Variants in PDE4A observed in about 807,000 individuals in gnomAD.
PDE4A encodes 3',5'-cyclic-AMP phosphodiesterase 4A.
Under a neutral mutation model 73.9 loss-of-function variants are expected in PDE4A, and 21 were observed. The ratio of observed to expected loss-of-function variants is 0.28; its 90% CI spans 0.20 to 0.41. The LOEUF is 0.41. PDE4A is among the 10% of genes least tolerant of loss of function. The pLI is 1.00. For synonymous variants in PDE4A, 463 were observed against 505.4 expected (o/e 0.92, Z 1.13); for missense variants, 958 against 1,211.4 (o/e 0.79, Z 3.10).
At chr19:10,417,464 G>A (rs142009586), upstream of PDE4A, 31 of 981,572 alleles carry the variant, frequency 3.2e-5, no homozygotes, top group African/African-American at 5.1e-4. Context: ...AATTATGGCT[G>A]AGAAGGGGCA....
rs550416406 is a variant in PDE4A at position 10,459,323 on chromosome 19, G to T, written c.1102-77G>T. On this transcript the variant is annotated intron_variant, in intron 8 of 14. Coordinates refer to ENST00000380702, the MANE Select transcript of PDE4A (RefSeq NM_001111307.2). The stretch of plus-strand genomic sequence containing the variant: ...ATAATGGTGCTTCCTTCAGACCAAG[G>T]CTTCAAACTCCTAGGAAATGTTCTC... 2.6e-5 allele frequency: 42 copies of T among 1,605,104 alleles called. No homozygotes were observed. The African/African-American group carries it at 4.3e-4, about 16-fold the overall frequency.
Position 10,461,703 on chromosome 19 carries a change from G to A in PDE4A, c.1620+23G>A, listed in dbSNP as rs367982318. 5.6e-6 allele frequency: 9 copies of A among 1,611,474 alleles called. No homozygotes were observed. The African/African-American group carries it at 1.2e-4, about 22-fold the overall frequency. The stretch of plus-strand genomic sequence containing the variant: ...ATGGTGGGCGGGGCTGGGGCGGGAC[G>A]GAGCGGGAAAGGAAGCCTAGGAGTC... On this transcript the variant is annotated intron_variant, in intron 12 of 14. Coordinates refer to ENST00000380702, the MANE Select transcript of PDE4A (RefSeq NM_001111307.2).
intron 13 of PDE4A, among the ~76,000 whole-genome samples, chr19:10,462,878 C>T (rs2043297311): frequency 6.6e-6 from 1 of 152,230 alleles, no homozygotes; most frequent in South Asian, 2.1e-4. Context: ...TCCCTACTCC[C>T]TCCCTCCCCA....
intron 1 of PDE4A, among the ~76,000 whole-genome samples, chr19:10,444,004 CAA>C (rs56177093): frequency 1.2e-4 from 14 of 113,718 alleles, no homozygotes; most frequent in Admixed American, 1.9e-4. Context: ...AAGACTGTCT[CAA>C]AAAAAAAAAA....
chr19:10,464,779 G>T (rs1050229672), intron 14 of PDE4A, among the ~76,000 whole-genome samples: 5 of 151,290 alleles, frequency 3.3e-5, no homozygotes, highest in African/African-American at 4.9e-5. Flanking sequence ...GTGCAGGGGC[G>T]TGATCTTGGC....
chr19:10,443,733 G>A lies in PDE4A; in HGVS notation c.321-2485G>A, dbSNP rs552404255. Among the ~76,000 whole-genome samples, 9 of 152,088 alleles carry A rather than the reference G, an allele frequency of 5.9e-5. 1 individual carries two copies. Among genetic ancestry groups the A allele is most frequent in the South Asian group, 2.1e-4 (1 of 4,820 alleles). On this transcript the variant is annotated intron_variant, in intron 1 of 14. Transcript: ENST00000380702. ...ATCTCAAAAAAACACCAGGCCAGGC[G>A]CAGTGGCTCATGCCTGTAATCCCAG...
chr19:10,457,122 C>T (rs1336352252), intron 7 of PDE4A, among the ~76,000 whole-genome samples: 1 of 152,088 alleles, frequency 6.6e-6, no homozygotes, highest in East Asian at 1.9e-4. Flanking sequence ...CGCTTGAACC[C>T]GGGAGGTGGA....
At position 10,446,336 on chromosome 19, in the gene PDE4A, C is replaced by T; in HGVS notation, c.439C>T (p.Leu147=). The part of the protein sequence containing the change: ...AATSQRRESF[L]YRSDSDYDMS... ...CACCAGCCAGCGCCGGGAGTCCTTC[C>T]TGTACCGCTCAGACAGCGACTATGA... The change falls in exon 2 of 15, where the codon CTG becomes TTG. Residue 147 remains leucine (L), a synonymous_variant. Transcript: ENST00000380702. 1 of 1,613,840 alleles carries T rather than the reference C, an allele frequency of 6.2e-7. No individual in the cohort carries two copies. Among genetic ancestry groups the T allele is most frequent in the East Asian group, 2.2e-5 (1 of 44,882 alleles).
chr19:10,419,056 C>CTTTT (rs977830124), upstream of PDE4A: 284 of 816,786 alleles, frequency 3.5e-4, no homozygotes, highest in East Asian at 8.3e-4. Context: ...GACCGGCAGT[C>CTTTT]TTTTTTTTTT....
intron 1 of PDE4A, chr19:10,427,869 C>T (rs1384852432): frequency 9.1e-6 from 9 of 984,822 alleles, no homozygotes; most frequent in Non-Finnish European, 1.1e-5. Context: ...TATAGTGGCT[C>T]ATGCCCAACA....
chr19:10,441,419 G>A (rs2042935963), intron 1 of PDE4A, among the ~76,000 whole-genome samples: 1 of 151,292 alleles, frequency 6.6e-6, no homozygotes, highest in South Asian at 2.1e-4. Context: ...GAGCCACCGT[G>A]CCCAGCCCTT....
upstream of PDE4A, chr19:10,417,944 T>G (rs1251658555): frequency 6.9e-7 from 1 of 1,442,212 alleles, no homozygotes; most frequent in Non-Finnish European, 9.3e-7. Flanking sequence ...CCACCAGCCC[T>G]TCCCGATCTC....
chr19:10,463,389 C>A (rs925559055), intron 13 of PDE4A, among the ~76,000 whole-genome samples: 5 of 148,636 alleles, frequency 3.4e-5, no homozygotes, highest in Non-Finnish European at 7.4e-5. Flanking sequence ...CGCGCCCAGC[C>A]CCATTCTTTT....
At chr19:10,417,127 C>A, upstream of PDE4A, 1 of 1,439,416 alleles carries the variant, frequency 6.9e-7, no homozygotes, top group South Asian at 1.5e-5. Context: ...CCTCGTGCCT[C>A]AGTTTACCCC....
chr19:10,462,161 C>G (rs933817401), intron 13 of PDE4A, among the ~76,000 whole-genome samples, 162 bp downstream of exon 13: 1 of 152,094 alleles, frequency 6.6e-6, no homozygotes, highest in Non-Finnish European at 1.5e-5. Flanking sequence ...GAGACGGAGT[C>G]TTGCTCTTGT....
At chr19:10,448,221 T>A (rs1383048609) in intron 2 of PDE4A, among the ~76,000 whole-genome samples, 1 of 151,342 alleles carries the variant, frequency 6.6e-6, no homozygotes, top group Non-Finnish European at 1.5e-5. Context: ...TGCCTCAGCC[T>A]CCCAAGTAGC....
At position 10,467,436 on chromosome 19, in the gene PDE4A, A is replaced by T. The variant is rs1397099588; in HGVS notation, c.2476A>T (p.Thr826Ser). The T allele has an allele frequency of 1.9e-6, 3 of 1,613,118 alleles. No individual in the cohort carries two copies. The highest frequency in any genetic ancestry group is 2.5e-6 in the Non-Finnish European group (3 of 1,179,630). The change falls in exon 15 of 15, where the codon ACC (threonine) becomes TCC (serine). Residue 826 changes from threonine (T) to serine (S), a missense_variant. By Grantham distance (58) the Thr-to-Ser change is moderately conservative. This residue lies in a region of PDE4A where 243 missense variants were observed against 245.9 expected (regional missense o/e 0.99). Coordinates refer to ENST00000380702, the MANE Select transcript of PDE4A (RefSeq NM_001111307.2). ...AAGCCCCCTTCTCCCTGCTTGGAGG[A>T]CCCTGTCTGTTTCAGAGCATGCCCC... is the stretch of plus-strand genomic sequence containing the variant. ...LQSPLLPAWR[T>S]LSVSEHAPGL... is the part of the protein sequence containing the mutation.
rs557774510 is a variant in PDE4A at position 10,453,203 on chromosome 19, C to A, written c.784-1626C>A. The A allele has an allele frequency of 3.2e-6, 5 of 1,548,352 alleles. No individual in the cohort carries two copies. The South Asian group carries it at 6.2e-5, about 19-fold the overall frequency. ...CACCCCCTCCCCAGTGGTTGTTAAC[C>A]CCGGGACTCCCCAAGCCCAGCCTCT... On this transcript the variant is annotated intron_variant, in intron 6 of 14. Transcript: ENST00000380702. The surrounding 1 kb of genome is among the most constrained non-coding windows in gnomAD (Gnocchi z 4.6).
At chr19:10,421,544 T>A (rs1401816884) in intron 1 of PDE4A, among the ~76,000 whole-genome samples, 1 of 152,040 alleles carries the variant, frequency 6.6e-6, no homozygotes, top group Non-Finnish European at 1.5e-5. Flanking sequence ...GCTCTCAGGG[T>A]CCTTCTAGGG....
Sources: allele counts gnomAD v4.1 joint callset (sites outside exome capture counted in the v4.1 genomes callset), GRCh38; gene constraint gnomAD v4.1.1; regional missense constraint gnomAD v4.1.1; non-coding constraint Gnocchi (gnomAD v3.1); transcripts MANE v1.5; gene names NCBI Gene and HGNC (gene_info 2026-07-23, HGNC 2026-07-21).